COL14A1: variants seen among roughly 807,000 people sequenced by gnomAD.
The protein encoded by COL14A1 is collagen alpha-1(XIV) chain.
COL14A1 carries 136 observed loss-of-function variants against 230.3 expected under a neutral mutation model. That is an observed-to-expected ratio of 0.59 (90% CI 0.51 to 0.68). COL14A1 has a LOEUF of 0.68. Among genes scored for constraint, COL14A1 ranks in the 30% least tolerant of loss-of-function variants. The pLI, the probability that COL14A1 is intolerant of heterozygous loss-of-function variation, is 0.00. For missense variants in COL14A1, 1,976 were observed against 2,215.8 expected (o/e 0.89, Z 2.17); for synonymous variants, 792 against 784.1 (o/e 1.01, Z -0.17).
chr8:120,369,297 G>C (rs1276920863), intron 46 of COL14A1, 33 bp from the exon 47 acceptor site: 1 of 1,469,934 alleles, frequency 6.8e-7, no homozygotes, highest in African/African-American at 1.4e-5. Context: ...TGTGGCAAAA[G>C]ACCAACGGTT....
intron 34 of COL14A1, among the ~76,000 whole-genome samples, chr8:120,294,400 A>G (rs1287480184): frequency 2.0e-5 from 3 of 150,196 alleles, no homozygotes; most frequent in Admixed American, 6.7e-5. Context: ...AGAGATTATG[A>G]AAAGTGAAAG....
At position 120,369,294 on chromosome 8, in the gene COL14A1, A is replaced by G. The variant is rs763360656; in HGVS notation, c.5156-36A>G. 2.1e-6 allele frequency: 3 copies of G among 1,460,370 alleles called. No individual in the cohort carries two copies. The East Asian group carries it at 7.6e-5, about 37-fold the overall frequency. 90.5% of individuals were successfully genotyped at this position (1,460,370 alleles called of 1,614,324 possible). A position where few individuals can be genotyped will look rare whatever the true frequency, so the allele number is the denominator to read the frequency against. On this transcript the variant is annotated intron_variant, in intron 46 of 47. Transcript: ENST00000297848. ...TCTCAAAACTCACCCTGTTGTGGCA[A>G]AAGACCAACGGTTTTCATCTGTGGG...
At chr8:120,283,839 C>A in intron 32 of COL14A1, 61 bp downstream of exon 32, 1 of 1,436,934 alleles carries the variant, frequency 7.0e-7, no homozygotes, top group South Asian at 1.4e-5. Context: ...ATGTGGCATG[C>A]CATTTTGCCT....
At chr8:120,243,232 AT>A (rs1197873067) in intron 19 of COL14A1, among the ~76,000 whole-genome samples, 12 of 152,188 alleles carry the variant, frequency 7.9e-5, no homozygotes, top group Non-Finnish European at 1.5e-4. Context: ...CCACTGCTGC[AT>A]TTCTTTTTTG....
intron 45 of COL14A1, among the ~76,000 whole-genome samples, chr8:120,359,966 T>G (rs1327432976): frequency 6.6e-6 from 1 of 152,132 alleles, no homozygotes; most frequent in Non-Finnish European, 1.5e-5. Flanking sequence ...CTGCCCAAAT[T>G]TAGGTGAGTC....
intron 45 of COL14A1, among the ~76,000 whole-genome samples, chr8:120,354,158 G>A (rs1187872765): frequency 1.1e-4 from 12 of 110,510 alleles, no homozygotes; most frequent in African/African-American, 2.7e-4. Context: ...ACCAAACACC[G>A]CATATTCTCA....
At chr8:120,164,776 C>T (rs1334040414) in intron 4 of COL14A1, among the ~76,000 whole-genome samples, 1 of 152,158 alleles carries the variant, frequency 6.6e-6, no homozygotes, top group Non-Finnish European at 1.5e-5. Context: ...AGTTTCTGGC[C>T]TCCAACATTC....
At chr8:120,159,608 G>A (rs950108888) in intron 3 of COL14A1, among the ~76,000 whole-genome samples, 11 of 152,078 alleles carry the variant, frequency 7.2e-5, no homozygotes, top group Admixed American at 1.3e-4. Context: ...AACAGTTGAC[G>A]TAAACATTCA....
At chr8:120,228,942 A>T (rs540630495) in intron 18 of COL14A1, among the ~76,000 whole-genome samples, 173 bp downstream of exon 18, 1 of 152,110 alleles carries the variant, frequency 6.6e-6, no homozygotes, top group East Asian at 1.9e-4. Context: ...CTTCCTTGCC[A>T]CTAAATGCCC....
At chr8:120,134,525 A>G (rs1188627051) in intron 1 of COL14A1, among the ~76,000 whole-genome samples, 1 of 152,178 alleles carries the variant, frequency 6.6e-6, no homozygotes, top group African/African-American at 2.4e-5. Context: ...AAGAAAATAT[A>G]GGAAAATGCT....
chr8:120,317,422 T>G (rs1230769764), intron 40 of COL14A1, among the ~76,000 whole-genome samples: 1 of 151,858 alleles, frequency 6.6e-6, no homozygotes, highest in Non-Finnish European at 1.5e-5. Flanking sequence ...AATTAGTCAG[T>G]CCGTGAAATA....
At chr8:120,280,122 T>C (rs1344321365) in intron 29 of COL14A1, 23 bp downstream of exon 29, 2 of 1,612,804 alleles carry the variant, frequency 1.2e-6, no homozygotes, top group Admixed American at 1.7e-5. Flanking sequence ...GAATTTGTAC[T>C]TACTCATGTT....
chr8:120,248,539 A>T (rs183693065), intron 21 of COL14A1, among the ~76,000 whole-genome samples: 228 of 152,272 alleles, frequency 1.5e-3, no homozygotes, highest in African/African-American at 5.3e-3. Flanking sequence ...GGAAAATTTT[A>T]AAAACATTCT....
At chr8:120,279,809 G>T (rs1469093365) in intron 28 of COL14A1, 126 bp from the exon 29 acceptor site, 4 of 929,642 alleles carry the variant, frequency 4.3e-6, no homozygotes, top group Non-Finnish European at 6.3e-6. Context: ...TGTAAAGAAT[G>T]AATTATCCAC....
In COL14A1 at chr8:120,158,164, A is replaced by G; in HGVS notation, c.123A>G (p.Ile41Met). Reference sequence around the variant, plus strand: ...CCACAAGGTTAAGATATAATGTAATATCTCATGACAGTATACAGATTTCAT... The same window carrying G: ...CCACAAGGTTAAGATATAATGTAATGTCTCATGACAGTATACAGATTTCAT... ...APPTRLRYNVISHDSIQISWK... is the reference protein window; with the variant it reads ...APPTRLRYNVMSHDSIQISWK... The change falls in exon 3 of 48, where the codon ATA (isoleucine) becomes ATG (methionine). Residue 41 changes from isoleucine to methionine, a missense_variant. By Grantham distance (10) the Ile-to-Met change is conservative. Coordinates refer to ENST00000297848, the MANE Select transcript of COL14A1 (RefSeq NM_021110.4). 1 of 1,604,644 alleles carries G rather than the reference A, an allele frequency of 6.2e-7. No homozygotes were observed. Among genetic ancestry groups the G allele is most frequent in the Non-Finnish European group, 8.5e-7 (1 of 1,175,266 alleles).
upstream of COL14A1, chr8:120,125,015 T>C (rs894909673): frequency 2.6e-5 from 4 of 152,356 alleles, no homozygotes; most frequent in African/African-American, 9.7e-5. Context: ...GGGGGCGTTA[T>C]GGGCTTAGGC....
chr8:120,306,731 G>A (rs1367935498), intron 36 of COL14A1, among the ~76,000 whole-genome samples: 3 of 152,192 alleles, frequency 2.0e-5, no homozygotes, highest in African/African-American at 4.8e-5. Context: ...AAGTAAGTTA[G>A]AAGTGTAAAG....
chr8:120,345,689 A>G (rs1424932066), intron 45 of COL14A1, 126 bp downstream of exon 45: 2 of 834,148 alleles, frequency 2.4e-6, no homozygotes, highest in Non-Finnish European at 3.4e-6. Context: ...TGCCCCATCT[A>G]TTCTTCAGTT....
chr8:120,303,223 C>A (rs143487411), intron 36 of COL14A1, among the ~76,000 whole-genome samples: 1,538 of 152,198 alleles, frequency 0.01, 26 homozygotes, highest in African/African-American at 0.035. Flanking sequence ...ATTTGGATGC[C>A]TTTATTTCTT....
Sources: gnomAD v4.1 joint callset for allele counts (sites outside exome capture counted in the v4.1 genomes callset) on GRCh38, gnomAD v4.1.1 for gene constraint, MANE v1.5 for transcripts, NCBI Gene and HGNC (gene_info 2026-07-23, HGNC 2026-07-21) for gene names.